UBR2: variants seen among roughly 807,000 people sequenced by gnomAD.
UBR2 encodes ubiquitin protein ligase E3 component n-recognin 2, also known as E3 ubiquitin-protein ligase UBR2.
In UBR2, 92 loss-of-function variants were observed where a neutral mutation model predicts 247.9. The ratio of observed to expected loss-of-function variants is 0.37; its 90% CI spans 0.31 to 0.44. The LOEUF (loss-of-function observed/expected upper bound fraction) is 0.44, where lower values mean the gene tolerates loss of function less well. UBR2 is among the 20% of genes least tolerant of loss of function. The probability of loss-of-function intolerance (pLI) is 1.00; values close to 1 mark genes in which losing one functional copy is unlikely to be tolerated. For missense variants in UBR2, 1,613 were observed against 2,112.6 expected, an observed-to-expected ratio of 0.76 and a Z score of 4.64; for synonymous variants, 672 against 693.5, an observed-to-expected ratio of 0.97 and a Z score of 0.49.
rs753668642 is a variant in UBR2 at position 42,603,721 on chromosome 6, A to G, written c.662+3A>G. The G allele has an allele frequency of 6.3e-7, 1 of 1,592,262 alleles. No homozygotes were observed. Among genetic ancestry groups the G allele is most frequent in the South Asian group, 1.2e-5 (1 of 85,804 alleles). On this transcript the variant is annotated splice_donor_region_variant and intron_variant, in intron 5 of 46. Coordinates refer to ENST00000372901, the MANE Select transcript of UBR2 (RefSeq NM_001363705.2). ...TTGCCAGCAGATTTAGAGATGGTGTAAGTATAACCTGTTTATTCTTCATGT... is the reference window on the plus strand; with the variant it reads ...TTGCCAGCAGATTTAGAGATGGTGTGAGTATAACCTGTTTATTCTTCATGT...
chr6:42,579,326 A>G (rs1027594765), intron 2 of UBR2, among the ~76,000 whole-genome samples: 2 of 152,168 alleles, frequency 1.3e-5, no homozygotes, highest in African/African-American at 4.8e-5. Flanking sequence ...AACAGCACCA[A>G]GAGGATGGTG....
intron 11 of UBR2, among the ~76,000 whole-genome samples, chr6:42,625,282 T>C (rs562206005): frequency 1.4e-4 from 22 of 152,326 alleles, no homozygotes; most frequent in African/African-American, 4.8e-4. Context: ...TGTTTTTTCT[T>C]GGGACTTTGC....
intron 1 of UBR2, among the ~76,000 whole-genome samples, chr6:42,567,839 C>T (rs1051564376): frequency 2.6e-5 from 4 of 151,906 alleles, no homozygotes; most frequent in Non-Finnish European, 4.4e-5. Context: ...AGTTTGAGAC[C>T]AGCCTGGGCA....
rs763581512 is a variant in UBR2, at chr6:42,593,704, G to T, written c.418-487G>T. ...CCTATTACTTGTCCTTTCAAAGAGT[G>T]GCTATTTAAGGTGTATTAGAGAAGA... On this transcript the variant is annotated intron_variant, in intron 3 of 46. Coordinates refer to ENST00000372901, the MANE Select transcript of UBR2 (RefSeq NM_001363705.2). Among the ~76,000 whole-genome samples the T allele has an allele frequency of 4.1e-4, 63 of 152,146 alleles. 1 individual carries two copies. Among genetic ancestry groups the T allele is most frequent in the Non-Finnish European group, 7.1e-4 (48 of 67,998 alleles).
chr6:42,622,270 C>T (rs369761593), intron 11 of UBR2, among the ~76,000 whole-genome samples: 141 of 152,150 alleles, frequency 9.3e-4, no homozygotes, highest in Non-Finnish European at 1.4e-3. Context: ...CCACCCATCT[C>T]AGCGTCCCAA....
chr6:42,617,697 A>G (rs1230963073), intron 11 of UBR2, among the ~76,000 whole-genome samples, 190 bp downstream of exon 11: 1 of 152,204 alleles, frequency 6.6e-6, no homozygotes, highest in East Asian at 1.9e-4. Context: ...GTAGGGGGGA[A>G]GTCATTTAAA....
In UBR2 at chr6:42,600,625, C is replaced by CA. The variant is rs71680032; in HGVS notation, c.532-2941dup. 9.7e-3 allele frequency among the ~76,000 whole-genome samples: 1,028 copies of CA among 106,102 alleles called. 18 individuals are homozygous for CA. The highest frequency in any genetic ancestry group is 0.031 in the African/African-American group (836 of 27,020). 69.6% of individuals were successfully genotyped at this position (106,102 alleles called of 152,430 possible). A position where few individuals can be genotyped will look rare whatever the true frequency, so the allele number is the denominator to read the frequency against. Reference sequence around the variant, plus strand: ...CCTGCCTCAAACTGGGTTACTGTAGCAAAAAAAAAAAAAAAAAAAAAATTA... The same window carrying CA: ...CCTGCCTCAAACTGGGTTACTGTAGCAAAAAAAAAAAAAAAAAAAAAAATTA... On this transcript the variant is annotated intron_variant, in intron 4 of 46. Coordinates refer to ENST00000372901, the MANE Select transcript of UBR2 (RefSeq NM_001363705.2).
At chr6:42,644,810 A>AC (rs1281661316) in intron 20 of UBR2, among the ~76,000 whole-genome samples, 1 of 152,100 alleles carries the variant, frequency 6.6e-6, no homozygotes, top group African/African-American at 2.4e-5. Context: ...GGAGCGGGGG[A>AC]CAGGAGAATT....
At chr6:42,622,701 G>T (rs1795070321) in intron 11 of UBR2, among the ~76,000 whole-genome samples, 1 of 151,992 alleles carries the variant, frequency 6.6e-6, no homozygotes, top group South Asian at 2.1e-4. Context: ...ACCGCACCTG[G>T]CCTGTTTTTG....
chr6:42,665,702 G>A (rs992433915), intron 33 of UBR2, among the ~76,000 whole-genome samples, 190 bp downstream of exon 33: 1 of 151,936 alleles, frequency 6.6e-6, no homozygotes, highest in Non-Finnish European at 1.5e-5. Context: ...ACAAGCTCAT[G>A]TGAAGTTTCT....
chr6:42,689,118 G>T lies in UBR2; in HGVS notation c.5025-451G>T, dbSNP rs575714500. Among the ~76,000 whole-genome samples, 10 of 152,296 alleles carry T rather than the reference G, an allele frequency of 6.6e-5. No individual in the cohort carries two copies. Among genetic ancestry groups the T allele is most frequent in the African/African-American group, 2.2e-4 (9 of 41,564 alleles). ...GCCTGTCTGCTCAAGGCAAGGAGGC[G>T]CGTGTCACTGGAGTGTTGTGCACAG... is the stretch of plus-strand genomic sequence containing the variant. On this transcript the variant is annotated intron_variant, in intron 45 of 46. Transcript: ENST00000372901. The surrounding 1 kb of genome is among the most constrained non-coding windows in gnomAD (Gnocchi z 4.0).
At chr6:42,605,636 T>G in intron 5 of UBR2, 85 bp from the exon 6 acceptor site, 5 of 1,289,898 alleles carry the variant, frequency 3.9e-6, no homozygotes, top group Non-Finnish European at 5.3e-6. Context: ...GCACATTGCA[T>G]AGGACAAAGT....
At chr6:42,591,068 A>T (rs986615834) in intron 2 of UBR2, among the ~76,000 whole-genome samples, 1 of 152,196 alleles carries the variant, frequency 6.6e-6, no homozygotes, top group Non-Finnish European at 1.5e-5. Context: ...CCTGGCCAAC[A>T]TGGCAAAACC....
At position 42,631,770 on chromosome 6, in the gene UBR2, A is replaced by G. The variant is rs189795000; in HGVS notation, c.1282-782A>G. On this transcript the variant is annotated intron_variant, in intron 11 of 46. Coordinates refer to ENST00000372901, the MANE Select transcript of UBR2 (RefSeq NM_001363705.2). ...ATGCTATCTTTTGTAGGAAAAAGAT[A>G]GATATACATACTTGTGTATACTTAA... Among the ~76,000 whole-genome samples the G allele has an allele frequency of 3.8e-4, 57 of 149,702 alleles. 1 individual carries two copies. In the East Asian group the frequency reaches 4.7e-3, roughly 12 times the overall value.
chr6:42,670,867 T>C (rs1798383536), intron 36 of UBR2, 152 bp downstream of exon 36: 2 of 628,764 alleles, frequency 3.2e-6, no homozygotes, highest in East Asian at 5.9e-5. Context: ...AAAAGTAATG[T>C]TTGTGGTTTA....
chr6:42,589,940 T>C (rs1229670716), intron 2 of UBR2, among the ~76,000 whole-genome samples: 2 of 152,198 alleles, frequency 1.3e-5, no homozygotes, highest in Admixed American at 1.3e-4. Flanking sequence ...TTGACTATGA[T>C]AGGCCTAAAT....
chr6:42,678,397 C>T, intron 40 of UBR2, 142 bp from the exon 41 acceptor site: 1 of 818,082 alleles, frequency 1.2e-6, no homozygotes, highest in Non-Finnish European at 1.8e-6. Context: ...CCTATAATAA[C>T]ACACACCCAC....
At chr6:42,671,420 AAAAAG>A (rs2151983347) in intron 36 of UBR2, among the ~76,000 whole-genome samples, 1 of 152,060 alleles carries the variant, frequency 6.6e-6, no homozygotes, top group Admixed American at 6.6e-5. Context: ...TAAAAAAAAA[AAAAAG>A]AAGAAGAAGA....
At chr6:42,610,409 A>G (rs1486801278) in intron 7 of UBR2, among the ~76,000 whole-genome samples, 1 of 152,240 alleles carries the variant, frequency 6.6e-6, no homozygotes. Flanking sequence ...ATAATTCACA[A>G]TAGCCAAAAG....
Sources: allele counts gnomAD v4.1 joint callset (sites outside exome capture counted in the v4.1 genomes callset), GRCh38; gene constraint gnomAD v4.1.1; non-coding constraint Gnocchi (gnomAD v3.1); transcripts MANE v1.5; gene names NCBI Gene and HGNC (gene_info 2026-07-23, HGNC 2026-07-21).